The following RPS6KA2 variants were observed in gnomAD, a reference collection of about 807,000 sequenced individuals.
RPS6KA2 encodes the protein ribosomal protein S6 kinase alpha-2.
Under a neutral mutation model 91.8 loss-of-function variants are expected in RPS6KA2, and 42 were observed. The observed-to-expected ratio is 0.46, with a 90% CI of 0.36 to 0.59. The LOEUF (loss-of-function observed/expected upper bound fraction) is 0.59, where lower values mean the gene tolerates loss of function less well. RPS6KA2 is among the 20% of genes least tolerant of loss of function. RPS6KA2 has a pLI of 0.00. For synonymous variants in RPS6KA2, 414 were observed against 393.6 expected (o/e 1.05, Z -0.61); for missense variants, 798 against 978.5 (o/e 0.82, Z 2.46).
chr6:166,701,781 G>C (rs922985583), intron 2 of RPS6KA2: 20 of 1,016,526 alleles, frequency 2.0e-5, no homozygotes, highest in African/African-American at 3.2e-5. Flanking sequence ...TTTTCCTAAC[G>C]CTCCCTGATT....
In RPS6KA2 at chr6:166,844,464, A is replaced by G. The variant is rs1385846623; in HGVS notation, c.123+13736T>C. On this transcript the variant is annotated intron_variant, in intron 2 of 21. Coordinates refer to the RPS6KA2 transcript ENST00000503859. ...CAAAAAGATCATTGCCTAGACACATAGTCATCAAGTTATCTACAGTCAAGA... is the reference window on the plus strand; with the variant it reads ...CAAAAAGATCATTGCCTAGACACATGGTCATCAAGTTATCTACAGTCAAGA... Among the ~76,000 whole-genome samples, 8 of 152,224 alleles carry G rather than the reference A, an allele frequency of 5.3e-5. 1 individual carries two copies. Among genetic ancestry groups the G allele is most frequent in the Non-Finnish European group, 1.5e-5 (1 of 68,036 alleles).
At chr6:166,649,054 T>C (rs1239943411) in intron 2 of RPS6KA2, among the ~76,000 whole-genome samples, 1 of 152,198 alleles carries the variant, frequency 6.6e-6, no homozygotes. Flanking sequence ...CAATCATCTG[T>C]ACCACAAAAT....
intron 10 of RPS6KA2, among the ~76,000 whole-genome samples, chr6:166,472,055 TGGGTTGAAG>T (rs753385057): frequency 3.2e-4 from 49 of 152,352 alleles, no homozygotes; most frequent in Non-Finnish European, 6.3e-4. Context: ...ACCAGAACTC[TGGGTTGAAG>T]AGTCCTTCTG....
intron 2 of RPS6KA2, among the ~76,000 whole-genome samples, chr6:166,695,749 A>C (rs1583027444): frequency 1.3e-5 from 2 of 150,414 alleles, no homozygotes; most frequent in African/African-American, 5.0e-5. Context: ...CTGGATTCTC[A>C]CAGGAGCACT....
At chr6:166,564,997 G>A (rs1225010803) in intron 1 of RPS6KA2, among the ~76,000 whole-genome samples, 1 of 152,194 alleles carries the variant, frequency 6.6e-6, no homozygotes, top group Non-Finnish European at 1.5e-5. Flanking sequence ...CTTATGAGGT[G>A]TTCACGTGGT....
chr6:166,745,988 G>A lies in RPS6KA2; in HGVS notation c.123+112212C>T, dbSNP rs746000168. 9.9e-5 allele frequency among the ~76,000 whole-genome samples: 15 copies of A among 152,218 alleles called. No homozygotes were observed. The East Asian group carries it at 1.2e-3, about 12-fold the overall frequency. ...AGGAACGAAACACAGAACATCACTC[G>A]CTCACATCTGAGCCAGCGGTGCTGC... On this transcript the variant is annotated intron_variant, in intron 2 of 21. Coordinates refer to the RPS6KA2 transcript ENST00000503859.
chr6:166,614,283 C>A (rs181617011), intron 1 of RPS6KA2, among the ~76,000 whole-genome samples: 3 of 152,236 alleles, frequency 2.0e-5, no homozygotes, highest in Admixed American at 2.0e-4. Context: ...CTGTCGGAGG[C>A]TGAACATCTG....
intron 5 of RPS6KA2, among the ~76,000 whole-genome samples, chr6:166,505,764 C>T (rs903502849): frequency 2.0e-5 from 3 of 152,238 alleles, no homozygotes; most frequent in African/African-American, 4.8e-5. Flanking sequence ...CCCGAGTCCC[C>T]GTCCTCCATT....
chr6:166,626,016 A>T lies in RPS6KA2; in HGVS notation c.99+905T>A, dbSNP rs536313503. 6.6e-6 allele frequency among the ~76,000 whole-genome samples: 1 copy of T among 152,248 alleles called. No homozygotes were observed. Among genetic ancestry groups the T allele is most frequent in the Non-Finnish European group, 1.5e-5 (1 of 68,038 alleles). ...TTGTTCCAGCTGAAACAAACCAACCAAAACCCCACAGGTGCCAGCCTTGAG... is the reference window on the plus strand; with the variant it reads ...TTGTTCCAGCTGAAACAAACCAACCTAAACCCCACAGGTGCCAGCCTTGAG... On this transcript the variant is annotated intron_variant, in intron 1 of 20. Coordinates refer to ENST00000265678, the MANE Select transcript of RPS6KA2 (RefSeq NM_021135.6). This position sits in a 1 kb window ranked among gnomAD's most constrained non-coding sequence, Gnocchi z 4.1.
chr6:166,780,209 G>A (rs1778734251), intron 2 of RPS6KA2, among the ~76,000 whole-genome samples: 1 of 152,244 alleles, frequency 6.6e-6, no homozygotes, highest in Admixed American at 6.5e-5. Context: ...CAGCCCCAGT[G>A]CCTGGGAATG....
Position 166,526,243 on chromosome 6 carries a change from C to T in RPS6KA2, c.298+4989G>A, listed in dbSNP as rs114993431. On this transcript the variant is annotated intron_variant, in intron 3 of 20. Coordinates refer to ENST00000265678, the MANE Select transcript of RPS6KA2 (RefSeq NM_021135.6). ...TTAGTGATGGATCATTACGGAAAGC[C>T]GAAACAGTATAAGATGTAAAACAAT... 2.5e-3 allele frequency among the ~76,000 whole-genome samples: 375 copies of T among 151,642 alleles called. 2 individuals carry two copies. The highest frequency in any genetic ancestry group is 8.6e-3 in the African/African-American group (355 of 41,308).
chr6:166,764,225 G>A (rs758601601), intron 2 of RPS6KA2, among the ~76,000 whole-genome samples: 5 of 152,124 alleles, frequency 3.3e-5, no homozygotes, highest in East Asian at 3.9e-4. Flanking sequence ...CCCTGGGATC[G>A]CCCGGCACAG....
chr6:166,437,293 G>A lies in RPS6KA2; in HGVS notation c.1333-4803C>T, dbSNP rs1779355737. Among the ~76,000 whole-genome samples the A allele has an allele frequency of 6.6e-6, 1 of 152,306 alleles. No homozygotes were observed. The highest frequency in any genetic ancestry group is 1.5e-5 in the Non-Finnish European group (1 of 68,028). On this transcript the variant is annotated intron_variant, in intron 14 of 20. Transcript: ENST00000265678. The surrounding 1 kb of genome is among the most constrained non-coding windows in gnomAD (Gnocchi z 4.3). The stretch of plus-strand genomic sequence containing the variant: ...GACCGTGTTGGTCTTACTCTTATTA[G>A]AGCAAGCTCTGGTGGACGGCGTTCC...
chr6:166,425,868 C>T (rs1778897647), intron 16 of RPS6KA2, among the ~76,000 whole-genome samples: 1 of 152,118 alleles, frequency 6.6e-6, no homozygotes, highest in Non-Finnish European at 1.5e-5. Flanking sequence ...CTTTAACACC[C>T]CACTGTCAAC....
rs1014186701 is a variant in RPS6KA2, at chr6:166,409,465, C to A, written c.*3297G>T. 1 of 152,400 alleles carries A rather than the reference C, an allele frequency of 6.6e-6. No individual in the cohort carries two copies. The highest frequency in any genetic ancestry group is 1.5e-5 in the Non-Finnish European group (1 of 68,042). 9.4% of individuals were successfully genotyped at this position (152,400 alleles called of 1,614,324 possible). A position where few individuals can be genotyped will look rare whatever the true frequency, so the allele number is the denominator to read the frequency against. On this transcript the variant is annotated 3_prime_UTR_variant, in exon 21 of 21. Coordinates refer to ENST00000265678, the MANE Select transcript of RPS6KA2 (RefSeq NM_021135.6). ...AGCGTAATAAATATCTGTACAGTGG[C>A]CACCCATCTCAAACATGAATTACAA...
At chr6:166,653,816 C>A (rs1787932215) in intron 2 of RPS6KA2, among the ~76,000 whole-genome samples, 1 of 152,194 alleles carries the variant, frequency 6.6e-6, no homozygotes, top group Non-Finnish European at 1.5e-5. Flanking sequence ...CAGAAAATAA[C>A]TTCTAGAGGA....
At chr6:166,861,084 T>G (rs1781036277) in intron 1 of RPS6KA2, among the ~76,000 whole-genome samples, 3 of 152,228 alleles carry the variant, frequency 2.0e-5, no homozygotes, top group Admixed American at 2.0e-4. Flanking sequence ...ATTATTTAGC[T>G]TGGCTTTCCA....
intron 2 of RPS6KA2, among the ~76,000 whole-genome samples, chr6:166,800,241 AG>A (rs932124574): frequency 1.9e-4 from 29 of 152,292 alleles, no homozygotes; most frequent in Non-Finnish European, 3.2e-4. Flanking sequence ...GCCGGCAAAG[AG>A]GCTTCCAGTG....
intron 10 of RPS6KA2, among the ~76,000 whole-genome samples, chr6:166,478,726 G>T (rs765024654): frequency 6.6e-6 from 1 of 152,192 alleles, no homozygotes; most frequent in South Asian, 2.1e-4. Context: ...AAGCAATGAG[G>T]CCGGGGGGTT....
Sources: gnomAD v4.1 joint callset for allele counts (sites outside exome capture counted in the v4.1 genomes callset) on GRCh38, gnomAD v4.1.1 for gene constraint, Gnocchi (gnomAD v3.1) non-coding constraint, MANE v1.5 for transcripts, NCBI Gene and HGNC (gene_info 2026-07-23, HGNC 2026-07-21) for gene names.